GTF2F2: variants seen among roughly 807,000 people sequenced by gnomAD.
GTF2F2 encodes the protein ATP-dependent helicase GTF2F2.
A neutral mutation model predicts 42.2 loss-of-function variants in GTF2F2; 23 were observed. The ratio of observed to expected loss-of-function variants is 0.55; its 90% CI spans 0.39 to 0.77. The LOEUF (loss-of-function observed/expected upper bound fraction) is 0.77. Ranked by LOEUF, GTF2F2 falls within the 30% of genes least tolerant of loss-of-function variation. The pLI is 0.00. For synonymous variants in GTF2F2, 105 were observed against 100.8 expected, an observed-to-expected ratio of 1.04 and a Z score of -0.25; for missense variants, 261 against 287.2, an observed-to-expected ratio of 0.91 and a Z score of 0.66.
chr13:45,160,280 A>G (rs186630412), intron 4 of GTF2F2, among the ~76,000 whole-genome samples: 1 of 152,332 alleles, frequency 6.6e-6, no homozygotes, highest in African/African-American at 2.4e-5. Context: ...TGGTTGAAGT[A>G]TCTGAAGAAA....
intron 4 of GTF2F2, among the ~76,000 whole-genome samples, chr13:45,166,087 T>C (rs1871287569): frequency 6.6e-6 from 1 of 152,170 alleles, no homozygotes; most frequent in East Asian, 1.9e-4. Flanking sequence ...GTGCTGGGAT[T>C]ACAGGCGTGA....
At chr13:45,128,584 A>ATTTAT (rs1328678588) in intron 1 of GTF2F2, among the ~76,000 whole-genome samples, 2 of 150,952 alleles carry the variant, frequency 1.3e-5, no homozygotes, top group African/African-American at 2.4e-5. Flanking sequence ...AAAAAATAAA[A>ATTTAT]TTTATTTTAT....
At chr13:45,200,374 G>T (rs541509471) in intron 4 of GTF2F2, among the ~76,000 whole-genome samples, 15 of 152,156 alleles carry the variant, frequency 9.9e-5, no homozygotes, top group Admixed American at 2.6e-4. Flanking sequence ...CCAGGCTGGA[G>T]TGTATTGCAA....
At chr13:45,283,083 C>T (rs1252009915) in intron 7 of GTF2F2, among the ~76,000 whole-genome samples, 2 of 152,128 alleles carry the variant, frequency 1.3e-5, no homozygotes, top group Non-Finnish European at 1.5e-5. Context: ...GGCCACTGAA[C>T]TCAAGGGCAG....
At chr13:45,233,630 C>T (rs1874799462) in intron 5 of GTF2F2, among the ~76,000 whole-genome samples, 1 of 152,140 alleles carries the variant, frequency 6.6e-6, no homozygotes, top group Non-Finnish European at 1.5e-5. Context: ...AAAACAATTG[C>T]TAGCTGGATA....
chr13:45,151,502 G>A (rs192539624), intron 3 of GTF2F2, among the ~76,000 whole-genome samples, 185 bp from the exon 4 acceptor site: 2 of 152,216 alleles, frequency 1.3e-5, no homozygotes, highest in Admixed American at 1.3e-4. Flanking sequence ...GGGATTATAG[G>A]TGTGCACCAA....
At chr13:45,263,421 G>A (rs928377660) in intron 6 of GTF2F2, among the ~76,000 whole-genome samples, 1 of 151,930 alleles carries the variant, frequency 6.6e-6, no homozygotes, top group African/African-American at 2.4e-5. Flanking sequence ...GTAGAGACAG[G>A]GTTTCACCAT....
intron 5 of GTF2F2, among the ~76,000 whole-genome samples, chr13:45,237,553 G>T (rs536244645): frequency 6.6e-6 from 1 of 152,070 alleles, no homozygotes; most frequent in South Asian, 2.1e-4. Context: ...GTTTTATAAA[G>T]GTTATCTCAC....
At chr13:45,151,633 T>C (rs1317721908) in intron 3 of GTF2F2, 54 bp from the exon 4 acceptor site, 2 of 1,131,134 alleles carry the variant, frequency 1.8e-6, no homozygotes, top group East Asian at 2.5e-5. Context: ...AATTTATATA[T>C]ATATAGTTTG....
At chr13:45,247,339 A>G (rs746842033) in intron 5 of GTF2F2, among the ~76,000 whole-genome samples, 2 of 151,746 alleles carry the variant, frequency 1.3e-5, no homozygotes, top group Admixed American at 6.6e-5. Flanking sequence ...ACTGTCTCAA[A>G]TTAAATTAAG....
intron 4 of GTF2F2, 144 bp from the exon 5 acceptor site, chr13:45,207,280 G>A: frequency 1.7e-6 from 1 of 594,074 alleles, no homozygotes; most frequent in Non-Finnish European, 3.0e-6. Flanking sequence ...GTTCTGACCA[G>A]TGAGATTCCT....
chr13:45,141,588 G>A (rs1869930177), intron 2 of GTF2F2, among the ~76,000 whole-genome samples: 1 of 152,162 alleles, frequency 6.6e-6, no homozygotes, highest in African/African-American at 2.4e-5. Context: ...TGCATTACTA[G>A]GCTGATTTAT....
intron 5 of GTF2F2, among the ~76,000 whole-genome samples, chr13:45,216,621 A>G (rs1309270542): frequency 1.3e-5 from 2 of 152,002 alleles, no homozygotes; most frequent in Middle Eastern, 3.2e-3. Context: ...GGGTTCAAGC[A>G]GTTCTCCTGC....
intron 4 of GTF2F2, among the ~76,000 whole-genome samples, chr13:45,154,073 G>T (rs140443072): frequency 4.6e-5 from 7 of 151,554 alleles, no homozygotes; most frequent in African/African-American, 1.7e-4. Context: ...TGTTGAACGT[G>T]TGAGGTTTTC....
At chr13:45,273,248 A>C (rs1238023559) in intron 7 of GTF2F2, among the ~76,000 whole-genome samples, 1 of 151,196 alleles carries the variant, frequency 6.6e-6, no homozygotes, top group African/African-American at 2.4e-5. Context: ...ATTTTTTAAA[A>C]TTTTTTTTGT....
At chr13:45,197,216 G>A (rs1160864374) in intron 4 of GTF2F2, among the ~76,000 whole-genome samples, 1 of 151,746 alleles carries the variant, frequency 6.6e-6, no homozygotes, top group East Asian at 1.9e-4. Flanking sequence ...AAAAATGTAG[G>A]CCGGGCATGT....
chr13:45,264,027 T>G (rs1876456977), intron 6 of GTF2F2: 1 of 152,190 alleles, frequency 6.6e-6, no homozygotes. Context: ...GAGTTCGTCT[T>G]GATAAGTAAA....
intron 4 of GTF2F2, among the ~76,000 whole-genome samples, chr13:45,168,611 C>T (rs927351049): frequency 1.3e-5 from 2 of 151,978 alleles, no homozygotes; most frequent in African/African-American, 2.4e-5. Context: ...ACTACCTGAA[C>T]TTTATTTATT....
intron 2 of GTF2F2, among the ~76,000 whole-genome samples, chr13:45,147,410 A>C (rs959839291): frequency 6.6e-5 from 10 of 152,222 alleles, no homozygotes; most frequent in African/African-American, 2.2e-4. Context: ...TAGCTAAATT[A>C]AAGGCAGTTA....
Sources: allele counts gnomAD v4.1 joint callset (sites outside exome capture counted in the v4.1 genomes callset), GRCh38; gene constraint gnomAD v4.1.1; transcripts MANE v1.5; gene names NCBI Gene and HGNC (gene_info 2026-07-23, HGNC 2026-07-21).